Variants in SLC24A3 observed in about 807,000 individuals in gnomAD.
The protein encoded by SLC24A3 is solute carrier family 24 member 3, also known as sodium/potassium/calcium exchanger 3.
In SLC24A3, 28 loss-of-function variants were observed where a neutral mutation model predicts 75.8. The ratio of observed to expected loss-of-function variants is 0.37; its 90% CI spans 0.27 to 0.51. The LOEUF is 0.51. Among genes scored for constraint, SLC24A3 ranks in the 20% least tolerant of loss-of-function variants. SLC24A3 has a pLI of 0.94. For missense variants in SLC24A3, 663 were observed against 847.8 expected (o/e 0.78, Z 2.71); for synonymous variants, 372 against 334.1 (o/e 1.11, Z -1.24).
At chr20:19,573,879 T>G (rs539130856) in intron 3 of SLC24A3, among the ~76,000 whole-genome samples, 12 of 152,322 alleles carry the variant, frequency 7.9e-5, no homozygotes, top group African/African-American at 2.9e-4. Flanking sequence ...AATAAAAGGT[T>G]TAATGACTAA....
At chr20:19,412,606 AG>A (rs1420164268) in intron 2 of SLC24A3, among the ~76,000 whole-genome samples, 2 of 149,320 alleles carry the variant, frequency 1.3e-5, no homozygotes, top group African/African-American at 2.4e-5. Context: ...AAAGAGAAGG[AG>A]GAGCAAGAGG....
At chr20:19,523,108 C>T (rs966368980) in intron 3 of SLC24A3, among the ~76,000 whole-genome samples, 1 of 152,122 alleles carries the variant, frequency 6.6e-6, no homozygotes, top group Non-Finnish European at 1.5e-5. Flanking sequence ...GGTACAAAAT[C>T]AACACACAAA....
intron 8 of SLC24A3, among the ~76,000 whole-genome samples, chr20:19,671,735 T>C (rs957887444): frequency 1.3e-5 from 2 of 152,152 alleles, no homozygotes; most frequent in Non-Finnish European, 2.9e-5. Flanking sequence ...GACTTCCAGG[T>C]GCAGAGGCCA....
chr20:19,367,000 A>G (rs1327541607), intron 2 of SLC24A3, among the ~76,000 whole-genome samples: 1 of 152,220 alleles, frequency 6.6e-6, no homozygotes, highest in African/African-American at 2.4e-5. Flanking sequence ...CTGATATCCA[A>G]AAGAACCTAT....
At chr20:19,316,540 T>A (rs891295961) in intron 2 of SLC24A3, among the ~76,000 whole-genome samples, 1 of 152,170 alleles carries the variant, frequency 6.6e-6, no homozygotes, top group African/African-American at 2.4e-5. Flanking sequence ...AAATCCAATC[T>A]TGAAAATGTC....
In SLC24A3 at chr20:19,413,907, A is replaced by G. The variant is rs1469037708; in HGVS notation, c.272-101581A>G. ...AAGCATCAAGCTGGGAAATGTTTGA[A>G]ACCAATATGTTGGAGAAAAAATATT... On this transcript the variant is annotated intron_variant, in intron 2 of 16. Coordinates refer to ENST00000328041, the MANE Select transcript of SLC24A3 (RefSeq NM_020689.4). 2.0e-5 allele frequency among the ~76,000 whole-genome samples: 3 copies of G among 152,232 alleles called. No individual in the cohort carries two copies. The East Asian group carries it at 5.8e-4, about 29-fold the overall frequency.
intron 15 of SLC24A3, among the ~76,000 whole-genome samples, chr20:19,705,115 G>C (rs1209593790): frequency 6.6e-6 from 1 of 152,194 alleles, no homozygotes; most frequent in Non-Finnish European, 1.5e-5. Flanking sequence ...GGCAGGGTCT[G>C]CTTATTAATG....
chr20:19,279,708 C>A (rs180815899), intron 1 of SLC24A3, among the ~76,000 whole-genome samples: 1 of 152,210 alleles, frequency 6.6e-6, no homozygotes, highest in Admixed American at 6.5e-5. Context: ...TTCCCTATTG[C>A]TGATGACTTC....
intron 2 of SLC24A3, among the ~76,000 whole-genome samples, chr20:19,290,882 C>T (rs556660357): frequency 1.0e-3 from 154 of 152,308 alleles, no homozygotes; most frequent in Middle Eastern, 3.4e-3. Flanking sequence ...AGCACTACTC[C>T]CAAGCCCTGT....
At chr20:19,268,543 C>T (rs192343026) in intron 1 of SLC24A3, among the ~76,000 whole-genome samples, 20 of 152,284 alleles carry the variant, frequency 1.3e-4, no homozygotes, top group Admixed American at 7.8e-4. Context: ...ATGTGGTAAT[C>T]GGGCTAAAGT....
chr20:19,651,485 A>G (rs1348782093), intron 6 of SLC24A3, among the ~76,000 whole-genome samples: 6 of 150,972 alleles, frequency 4.0e-5, no homozygotes, highest in African/African-American at 1.2e-4. Context: ...CTGAAGATTT[A>G]TGATTATCTG....
At chr20:19,556,853 G>A (rs1004614963) in intron 3 of SLC24A3, among the ~76,000 whole-genome samples, 3 of 152,158 alleles carry the variant, frequency 2.0e-5, no homozygotes, top group East Asian at 3.9e-4. Flanking sequence ...GTCTGCAGAC[G>A]GCTTGTGGAA....
At chr20:19,257,135 T>C (rs984658778) in intron 1 of SLC24A3, among the ~76,000 whole-genome samples, 1 of 152,206 alleles carries the variant, frequency 6.6e-6, no homozygotes, top group African/African-American at 2.4e-5. Flanking sequence ...TTGGGTCTTT[T>C]TGAAAACCAT....
At chr20:19,548,149 C>T (rs1040693279) in intron 3 of SLC24A3, among the ~76,000 whole-genome samples, 7 of 152,334 alleles carry the variant, frequency 4.6e-5, no homozygotes, top group East Asian at 1.9e-4. Context: ...TGATGTTCCG[C>T]GCTTCTCGGC....
intron 2 of SLC24A3, among the ~76,000 whole-genome samples, chr20:19,415,409 T>C (rs1420055794): frequency 1.3e-5 from 2 of 152,182 alleles, no homozygotes; most frequent in East Asian, 3.9e-4. Flanking sequence ...GGCAGAACTT[T>C]ATTACAAACC....
chr20:19,595,424 G>A (rs2031439649), intron 6 of SLC24A3, among the ~76,000 whole-genome samples: 1 of 152,160 alleles, frequency 6.6e-6, no homozygotes, highest in Non-Finnish European at 1.5e-5. Flanking sequence ...AGTTCACAGG[G>A]CCCTTCAGCT....
chr20:19,279,230 C>A (rs1218104801), intron 1 of SLC24A3, among the ~76,000 whole-genome samples: 1 of 152,254 alleles, frequency 6.6e-6, no homozygotes, highest in African/African-American at 2.4e-5. Context: ...GCTGGGTGCA[C>A]CATGTGGCCT....
intron 2 of SLC24A3, among the ~76,000 whole-genome samples, chr20:19,291,535 T>C (rs1469032631): frequency 6.6e-6 from 1 of 152,238 alleles, no homozygotes; most frequent in African/African-American, 2.4e-5. Flanking sequence ...AATAGGTACA[T>C]GTCTAGGCTA....
chr20:19,638,606 C>A (rs1188364860), intron 6 of SLC24A3, among the ~76,000 whole-genome samples: 1 of 152,114 alleles, frequency 6.6e-6, no homozygotes, highest in African/African-American at 2.4e-5. Context: ...AAACCTGTTA[C>A]ATATGTCAAT....
Sources: allele counts gnomAD v4.1 joint callset (sites outside exome capture counted in the v4.1 genomes callset), GRCh38; gene constraint gnomAD v4.1.1; transcripts MANE v1.5; gene names NCBI Gene and HGNC (gene_info 2026-07-23, HGNC 2026-07-21).